The following PRMT3 variants were observed in gnomAD, a reference collection of about 807,000 sequenced individuals.
PRMT3 encodes the protein protein arginine N-methyltransferase 3.
Under a neutral mutation model 71.9 loss-of-function variants are expected in PRMT3, and 62 were observed. The observed-to-expected ratio is 0.86, with a 90% CI of 0.70 to 1.07. The LOEUF (loss-of-function observed/expected upper bound fraction) is 1.07. Ranked by LOEUF, PRMT3 falls within the 50% of genes least tolerant of loss-of-function variation. The pLI, the probability that PRMT3 is intolerant of heterozygous loss-of-function variation, is 0.00. For missense variants in PRMT3, 663 were observed against 643.0 expected (o/e 1.03, Z -0.34); for synonymous variants, 213 against 220.4 (o/e 0.97, Z 0.30).
intron 13 of PRMT3, among the ~76,000 whole-genome samples, chr11:20,488,736 A>AT: frequency 1.3e-5 from 2 of 152,350 alleles, no homozygotes; most frequent in South Asian, 4.1e-4. Context: ...ATCCTATTAC[A>AT]TACACACAAT....
intron 13 of PRMT3, among the ~76,000 whole-genome samples, chr11:20,473,067 T>G (rs1850689150): frequency 2.0e-5 from 3 of 152,180 alleles, no homozygotes; most frequent in Non-Finnish European, 2.9e-5. Context: ...TTGTTTGTAT[T>G]TCTGTGGAGA....
intron 13 of PRMT3, among the ~76,000 whole-genome samples, chr11:20,476,427 GAATGATGAACATTTTAATA>G: frequency 1.3e-5 from 2 of 151,162 alleles, no homozygotes; most frequent in Non-Finnish European, 1.5e-5. Context: ...ATTTTAATAT[GAATGATGAACATTTTAATA>G]TGAATGTAAA....
chr11:20,477,809 C>CCG (rs1475706099), intron 13 of PRMT3, among the ~76,000 whole-genome samples: 2 of 143,220 alleles, frequency 1.4e-5, no homozygotes, highest in Non-Finnish European at 3.1e-5. Flanking sequence ...GAAACCCCCC[C>CCG]CCCCCACTTC....
intron 12 of PRMT3, among the ~76,000 whole-genome samples, chr11:20,463,271 TAAC>T (rs1244550605): frequency 3.9e-5 from 6 of 152,342 alleles, no homozygotes; most frequent in Middle Eastern, 3.4e-3. Context: ...TGAAGTTTCT[TAAC>T]AAGAGCAGGC....
intron 10 of PRMT3, among the ~76,000 whole-genome samples, chr11:20,427,726 G>GA (rs557123412): frequency 3.3e-3 from 487 of 148,062 alleles, no homozygotes; most frequent in South Asian, 5.1e-3. Flanking sequence ...ACTCCACCTC[G>GA]AAAAAAAAAA....
chr11:20,476,010 GCTGA>G (rs986436297), intron 13 of PRMT3, among the ~76,000 whole-genome samples: 1 of 151,792 alleles, frequency 6.6e-6, no homozygotes, highest in Non-Finnish European at 1.5e-5. Context: ...AATATTAAAT[GCTGA>G]CTATGTGCCA....
chr11:20,466,386 C>T (rs1850512740), intron 13 of PRMT3, among the ~76,000 whole-genome samples: 1 of 152,144 alleles, frequency 6.6e-6, no homozygotes, highest in Non-Finnish European at 1.5e-5. Context: ...TAGCCCACTC[C>T]GTGTTAGCCA....
intron 13 of PRMT3, among the ~76,000 whole-genome samples, chr11:20,475,675 A>G (rs1242175797): frequency 1.5e-5 from 2 of 137,420 alleles, no homozygotes; most frequent in African/African-American, 5.9e-5. Flanking sequence ...TTTTTTTGAG[A>G]CAGAGTCTAG....
intron 9 of PRMT3, among the ~76,000 whole-genome samples, chr11:20,420,690 C>T (rs1338924213): frequency 6.6e-6 from 1 of 152,200 alleles, no homozygotes; most frequent in African/African-American, 2.4e-5. Flanking sequence ...TTCCACGAAA[C>T]TGGCCCCTGG....
chr11:20,439,900 A>G (rs1451071419), intron 10 of PRMT3, among the ~76,000 whole-genome samples: 1 of 152,218 alleles, frequency 6.6e-6, no homozygotes, highest in South Asian at 2.1e-4. Context: ...ACAGCAATTA[A>G]AACAGTGTTT....
chr11:20,478,895 A>C (rs1850862401), intron 13 of PRMT3, among the ~76,000 whole-genome samples: 1 of 152,198 alleles, frequency 6.6e-6, no homozygotes, highest in Admixed American at 6.5e-5. Context: ...ATTAGCTCTT[A>C]GTACTTTTTG....
At position 20,388,035 on chromosome 11, in the gene PRMT3, G is replaced by A; in HGVS notation, c.45G>A (p.Val15=). The A allele has an allele frequency of 6.2e-7, 1 of 1,613,998 alleles. No homozygotes were observed. Among genetic ancestry groups the A allele is most frequent in the Admixed American group, 1.7e-5 (1 of 60,030 alleles). The stretch of plus-strand genomic sequence containing the variant: ...GTGTGTTAGGCGGCCGGGGCGCTGT[G>A]GAGAATGAGGAGGACCTGCCAGAAC... ...ASGATGGRGA[V]ENEEDLPELS... Residue 15 remains valine (V), a synonymous_variant, in exon 2 of 16, where the codon GTG becomes GTA. Transcript: ENST00000331079.
chr11:20,450,226 G>C (rs1198010518), intron 10 of PRMT3, among the ~76,000 whole-genome samples: 2 of 152,012 alleles, frequency 1.3e-5, no homozygotes, highest in Non-Finnish European at 2.9e-5. Context: ...TTTCAGTTTT[G>C]AAACACAGCA....
At chr11:20,389,505 A>G (rs1385747311) in intron 2 of PRMT3, among the ~76,000 whole-genome samples, 1 of 152,212 alleles carries the variant, frequency 6.6e-6, no homozygotes, top group Non-Finnish European at 1.5e-5. Context: ...AAATAAATTC[A>G]CTTTGACATT....
intron 9 of PRMT3, among the ~76,000 whole-genome samples, chr11:20,419,679 T>C (rs1430777835): frequency 2.0e-5 from 3 of 152,190 alleles, no homozygotes. Flanking sequence ...TGTTCCTTTT[T>C]TTGGTATTCT....
chr11:20,405,465 T>A (rs1040340946), intron 8 of PRMT3: 1 of 152,164 alleles, frequency 6.6e-6, no homozygotes, highest in Non-Finnish European at 1.5e-5. Flanking sequence ...ATAACTAACA[T>A]ACAATTAAAA....
chr11:20,420,093 A>G (rs1849393425), intron 9 of PRMT3, among the ~76,000 whole-genome samples: 1 of 152,000 alleles, frequency 6.6e-6, no homozygotes, highest in African/African-American at 2.4e-5. Flanking sequence ...AATTGCTTGA[A>G]CCCTGGAGGC....
chr11:20,505,148 A>G (rs991178667), intron 15 of PRMT3, among the ~76,000 whole-genome samples: 18 of 152,218 alleles, frequency 1.2e-4, no homozygotes, highest in Non-Finnish European at 2.4e-4. Context: ...TTAAACTTCA[A>G]TAAATAGTTC....
rs568426942 is a variant in PRMT3, at chr11:20,409,060, G to A, written c.893+1028G>A. Among the ~76,000 whole-genome samples, 197 of 152,194 alleles carry A rather than the reference G, an allele frequency of 1.3e-3. 1 individual carries two copies. The highest frequency in any genetic ancestry group is 6.8e-3 in the Middle Eastern group (2 of 294). On this transcript the variant is annotated intron_variant, in intron 9 of 15. Coordinates refer to ENST00000331079, the MANE Select transcript of PRMT3 (RefSeq NM_005788.4). ...TGCAGTGAGCCGTGATCATGCCACC[G>A]CACTCCAGCCTGGGTGACAGAGCAA...
Sources: allele counts gnomAD v4.1 joint callset (sites outside exome capture counted in the v4.1 genomes callset), GRCh38; gene constraint gnomAD v4.1.1; transcripts MANE v1.5; gene names NCBI Gene and HGNC (gene_info 2026-07-23, HGNC 2026-07-21).